WDR35: variants seen among roughly 807,000 people sequenced by gnomAD.
WDR35 encodes WD repeat-containing protein 35.
WDR35 carries 118 observed loss-of-function variants against 158.3 expected under a neutral mutation model. The observed-to-expected ratio is 0.75, with a 90% CI of 0.64 to 0.87. The LOEUF (loss-of-function observed/expected upper bound fraction) is 0.87, where lower values mean the gene tolerates loss of function less well. Among genes scored for constraint, WDR35 ranks in the 40% least tolerant of loss-of-function variants. The pLI is 0.00. For synonymous variants in WDR35, 448 were observed against 476.1 expected (o/e 0.94, Z 0.77); for missense variants, 1,263 against 1,405.8 (o/e 0.90, Z 1.62).
At chr2:19,970,635 A>G (rs1672009273) in intron 8 of WDR35, among the ~76,000 whole-genome samples, 1 of 152,128 alleles carries the variant, frequency 6.6e-6, no homozygotes, top group South Asian at 2.1e-4. Context: ...CCTTTTTCCC[A>G]TCTTGTCCAA....
Position 19,931,302 on chromosome 2 carries a change from G to A in WDR35, c.2931C>T (p.Ala977=), listed in dbSNP as rs924202723. Residue 977 remains alanine, a synonymous_variant, in exon 24 of 27, where the codon GCC becomes GCT. Transcript: ENST00000281405. ...IEQYHEQMKN[A]QRGKVKGKSS... ...TTTTTCCTTTAACTTTTCCTCGCTG[G>A]GCATTCTTCATCTGTTCATGGTATT... The A allele has an allele frequency of 2.5e-6, 4 of 1,612,558 alleles. No individual in the cohort carries two copies. In the African/African-American group the frequency reaches 5.4e-5, roughly 22 times the overall value.
At chr2:19,952,924 T>A (rs1435980248) in intron 12 of WDR35, among the ~76,000 whole-genome samples, 2 of 151,470 alleles carry the variant, frequency 1.3e-5, no homozygotes, top group African/African-American at 2.4e-5. Flanking sequence ...ATCAACATAC[T>A]TTTACTGAGG....
intron 25 of WDR35, among the ~76,000 whole-genome samples, chr2:19,928,416 G>C (rs1188765164): frequency 6.6e-6 from 1 of 152,182 alleles, no homozygotes; most frequent in Non-Finnish European, 1.5e-5. Flanking sequence ...TGAGACCCCT[G>C]ATTTCCCACT....
In WDR35 at chr2:19,919,616, C is replaced by T. The variant is rs1670105411; in HGVS notation, c.3122-5339G>A. Among the ~76,000 whole-genome samples the T allele has an allele frequency of 1.3e-5, 2 of 152,028 alleles. 1 individual carries two copies. Among genetic ancestry groups the T allele is most frequent in the Admixed American group, 1.3e-4 (2 of 15,260 alleles). On this transcript the variant is annotated intron_variant, in intron 25 of 26. Transcript: ENST00000281405. Reference sequence around the variant, plus strand: ...AGAGGAAAATTTATAGCACTAAATGCCCACATGGGAAAGCAGGAAAGATCT... The same window carrying T: ...AGAGGAAAATTTATAGCACTAAATGTCCACATGGGAAAGCAGGAAAGATCT...
chr2:19,986,478 G>A (rs149371635), intron 2 of WDR35, among the ~76,000 whole-genome samples: 143 of 152,324 alleles, frequency 9.4e-4, no homozygotes, highest in Non-Finnish European at 1.6e-3. Context: ...CAGAGAAGGA[G>A]AGAAAAGTAG....
chr2:19,923,833 G>C (rs1160243669), intron 25 of WDR35, among the ~76,000 whole-genome samples: 1 of 152,110 alleles, frequency 6.6e-6, no homozygotes, highest in Admixed American at 6.5e-5. Flanking sequence ...ATTGCTCAAA[G>C]AATTTAAACA....
chr2:19,915,488 T>C (rs1669963013), intron 25 of WDR35, among the ~76,000 whole-genome samples: 2 of 151,216 alleles, frequency 1.3e-5, no homozygotes, highest in South Asian at 4.2e-4. Context: ...AGGTGAAGCA[T>C]CTCAAGTTAA....
intron 25 of WDR35, 39 bp from the exon 26 acceptor site, chr2:19,914,316 T>G (rs1669931329): frequency 1.9e-6 from 3 of 1,611,508 alleles, no homozygotes; most frequent in Non-Finnish European, 2.5e-6. Context: ...TTAAAATAAT[T>G]ATTATGATAT....
intron 16 of WDR35, among the ~76,000 whole-genome samples, chr2:19,944,428 C>T (rs1670981396): frequency 6.6e-6 from 1 of 152,126 alleles, no homozygotes; most frequent in Admixed American, 6.5e-5. Flanking sequence ...ATACAACAAA[C>T]ATTCTCCCTT....
intron 9 of WDR35, among the ~76,000 whole-genome samples, chr2:19,967,929 A>C (rs1358841054): frequency 6.6e-6 from 1 of 152,160 alleles, no homozygotes; most frequent in African/African-American, 2.4e-5. Flanking sequence ...TCTTTTCCAG[A>C]ATGTCCTTTC....
At chr2:19,987,244 T>C (rs1396109115) in intron 2 of WDR35, among the ~76,000 whole-genome samples, 2 of 152,262 alleles carry the variant, frequency 1.3e-5, no homozygotes, top group African/African-American at 4.8e-5. Flanking sequence ...TGGACGGATC[T>C]GCTGAATCAA....
intron 8 of WDR35, among the ~76,000 whole-genome samples, chr2:19,969,897 G>A (rs774083771): frequency 3.3e-5 from 5 of 151,882 alleles, no homozygotes; most frequent in Non-Finnish European, 5.9e-5. Flanking sequence ...ACAGGCGCCC[G>A]CCACCACGCC....
At position 19,936,177 on chromosome 2, in the gene WDR35, G is replaced by A. The variant is rs776657914; in HGVS notation, c.2414+42C>T. On this transcript the variant is annotated intron_variant, in intron 20 of 26. Transcript: ENST00000281405. ...AGAGAAGTACTCAGGCAGCTACTAA[G>A]TGTTGCATGAATGCTTGAGGAGCTC... 1.9e-6 allele frequency: 3 copies of A among 1,612,982 alleles called. No individual in the cohort carries two copies. The African/African-American group carries it at 4.0e-5, about 22-fold the overall frequency.
intron 25 of WDR35, among the ~76,000 whole-genome samples, chr2:19,929,691 TAAG>T (rs977899275): frequency 2.6e-5 from 4 of 152,180 alleles, no homozygotes; most frequent in African/African-American, 9.7e-5. Context: ...GATCTCTGTT[TAAG>T]AATGAGGAAA....
chr2:19,949,242 C>A (rs1208692741), intron 13 of WDR35, among the ~76,000 whole-genome samples: 1 of 152,120 alleles, frequency 6.6e-6, no homozygotes, highest in Non-Finnish European at 1.5e-5. Flanking sequence ...AAGTTGTTTG[C>A]CACAGCTGGT....
chr2:19,951,358 T>C lies in WDR35; in HGVS notation c.1470+57A>G, dbSNP rs1671230138. On this transcript the variant is annotated intron_variant, in intron 13 of 26. Coordinates refer to ENST00000281405, the MANE Select transcript of WDR35 (RefSeq NM_020779.4). ...TATTTTTCAGGTTTCAAAATAAAAT[T>C]ATAATATTTCAAATCTACAGATATT... 3.7e-6 allele frequency: 5 copies of C among 1,369,804 alleles called. No homozygotes were observed. In the East Asian group the frequency reaches 1.2e-4, roughly 34 times the overall value. 84.9% of individuals were successfully genotyped at this position (1,369,804 alleles called of 1,614,324 possible). A position where few individuals can be genotyped will look rare whatever the true frequency, so the allele number is the denominator to read the frequency against.
In WDR35 at chr2:19,913,728, A is replaced by T; in HGVS notation, c.3363-20T>A. ...TCTCCACTGTAAAACGGGGAGAAAC[A>T]ATTCATTATACTTTAAAACTTCTCA... On this transcript the variant is annotated intron_variant, in intron 26 of 26. Coordinates refer to ENST00000281405, the MANE Select transcript of WDR35 (RefSeq NM_020779.4). 2.5e-6 allele frequency: 4 copies of T among 1,614,044 alleles called. No homozygotes were observed. Among genetic ancestry groups the T allele is most frequent in the Non-Finnish European group, 3.4e-6 (4 of 1,179,920 alleles).
chr2:19,938,526 T>C (rs1174113163), intron 17 of WDR35, 125 bp from the exon 18 acceptor site: 5 of 1,246,240 alleles, frequency 4.0e-6, no homozygotes, highest in African/African-American at 1.5e-5. Flanking sequence ...GTGAGCAAAA[T>C]AAGGAAGAGA....
At position 19,936,214 on chromosome 2, in the gene WDR35, C is replaced by T. The variant is rs1406018422; in HGVS notation, c.2414+5G>A. On this transcript the variant is annotated splice_donor_5th_base_variant and intron_variant, in intron 20 of 26. Transcript: ENST00000281405. ...TGCTTGAGGAGCTCCAGGTAAGTTA[C>T]ATACCACTTTTGTCGATCAGCAAAG... The T allele has an allele frequency of 1.2e-6, 2 of 1,613,856 alleles. No homozygotes were observed. Among genetic ancestry groups the T allele is most frequent in the South Asian group, 1.1e-5 (1 of 91,070 alleles).
Sources: gnomAD v4.1 joint callset for allele counts (sites outside exome capture counted in the v4.1 genomes callset) on GRCh38, gnomAD v4.1.1 for gene constraint, MANE v1.5 for transcripts, NCBI Gene and HGNC (gene_info 2026-07-23, HGNC 2026-07-21) for gene names.